PRPH2: variants seen among roughly 807,000 people sequenced by gnomAD.
The protein encoded by PRPH2 is peripherin 2, also known as peripherin-2.
A neutral mutation model predicts 31.3 loss-of-function variants in PRPH2; 17 were observed. That is an observed-to-expected ratio of 0.54 (90% CI 0.37 to 0.81). PRPH2 has a LOEUF of 0.81. PRPH2 is among the 40% of genes least tolerant of loss of function. The pLI, the probability that PRPH2 is intolerant of heterozygous loss-of-function variation, is 0.00. For missense variants in PRPH2, 430 were observed against 439.7 expected (o/e 0.98, Z 0.20); for synonymous variants, 165 against 184.4 (o/e 0.89, Z 0.85).
intron 2 of PRPH2, among the ~76,000 whole-genome samples, chr6:42,701,283 C>G (rs1800040963): frequency 6.6e-6 from 1 of 152,002 alleles, no homozygotes; most frequent in South Asian, 2.1e-4. Context: ...ACCATTAGGC[C>G]CGGCTAATCT....
At chr6:42,712,311 C>T (rs222222) in intron 1 of PRPH2, among the ~76,000 whole-genome samples, 104 of 152,232 alleles carry the variant, frequency 6.8e-4, no homozygotes, top group Non-Finnish European at 1.1e-3. Context: ...AAAAGCATTC[C>T]GAGACTATCA....
rs539502024 is a variant in PRPH2, at chr6:42,696,669, G to A, written c.*1626C>T. The A allele has an allele frequency of 3.9e-5, 6 of 152,320 alleles. No individual in the cohort carries two copies. Among genetic ancestry groups the A allele is most frequent in the South Asian group, 2.1e-4 (1 of 4,826 alleles). The allele number at this position is 152,320 out of a possible 1,614,324, so 9.4% of individuals were successfully genotyped here. A position where few individuals can be genotyped will look rare whatever the true frequency, so the allele number is the denominator to read the frequency against. On this transcript the variant is annotated 3_prime_UTR_variant, in exon 3 of 3. Coordinates refer to ENST00000230381, the MANE Select transcript of PRPH2 (RefSeq NM_000322.5). Reference sequence around the variant, plus strand: ...GCATAGTTACACTTGTGGGCCTAGAGCAGCACTTTCACCGTGGTTCTCAGC... The same window carrying A: ...GCATAGTTACACTTGTGGGCCTAGAACAGCACTTTCACCGTGGTTCTCAGC...
At chr6:42,708,696 G>A (rs1248904941) in intron 1 of PRPH2, among the ~76,000 whole-genome samples, 1 of 152,194 alleles carries the variant, frequency 6.6e-6, no homozygotes, top group Non-Finnish European at 1.5e-5. Flanking sequence ...TCAGTACAGT[G>A]TCCCAGCTGA....
chr6:42,707,719 T>G (rs1308580502), intron 1 of PRPH2, among the ~76,000 whole-genome samples: 3 of 152,186 alleles, frequency 2.0e-5, no homozygotes, highest in African/African-American at 7.2e-5. Context: ...TTCCGCCTAT[T>G]ATGATTAAGA....
rs1254196330 is a variant in PRPH2, at chr6:42,698,047, C to T, written c.*248G>A. The T allele has an allele frequency of 1.7e-5, 9 of 538,504 alleles. No homozygotes were observed. Among genetic ancestry groups the T allele is most frequent in the Admixed American group, 3.2e-5 (1 of 31,530 alleles). 33.4% of individuals were successfully genotyped at this position (538,504 alleles called of 1,614,324 possible). Reference sequence around the variant, plus strand: ...GTCACCAGGAGGGCATATCCTAGGGCAGCGGGCCTGAAGGGAGCTTCACTC... The same window carrying T: ...GTCACCAGGAGGGCATATCCTAGGGTAGCGGGCCTGAAGGGAGCTTCACTC... On this transcript the variant is annotated 3_prime_UTR_variant, in exon 3 of 3. Transcript: ENST00000230381.
At chr6:42,707,528 G>T (rs1162130698) in intron 1 of PRPH2, among the ~76,000 whole-genome samples, 1 of 152,150 alleles carries the variant, frequency 6.6e-6, no homozygotes. Context: ...ATGCTCAGGA[G>T]AACCTGTCCT....
intron 2 of PRPH2, among the ~76,000 whole-genome samples, chr6:42,699,531 G>A (rs1800012042): frequency 6.6e-6 from 1 of 152,182 alleles, no homozygotes; most frequent in Non-Finnish European, 1.5e-5. Context: ...CATCCGGTTT[G>A]CAGATTTTCA....
chr6:42,701,661 C>T (rs1003000854), intron 2 of PRPH2, among the ~76,000 whole-genome samples: 7 of 144,028 alleles, frequency 4.9e-5, no homozygotes, highest in Middle Eastern at 3.4e-3. Flanking sequence ...AGACTATAGG[C>T]ATGCGCCACC....
chr6:42,721,618 A>T (rs567404558), intron 1 of PRPH2, 136 bp downstream of exon 1: 3 of 1,012,304 alleles, frequency 3.0e-6, no homozygotes, highest in Non-Finnish European at 4.7e-6. Context: ...ATACACCCTC[A>T]CATACGCAGC....
At chr6:42,711,718 T>G in intron 1 of PRPH2, 646 of 962,726 alleles carry the variant, frequency 6.7e-4, no homozygotes, top group South Asian at 7.7e-4. Context: ...ATCTTCTCCT[T>G]GAGATGTCTA....
At chr6:42,709,059 G>A (rs375052357) in intron 1 of PRPH2, among the ~76,000 whole-genome samples, 198 of 152,216 alleles carry the variant, frequency 1.3e-3, no homozygotes, top group African/African-American at 4.3e-3. Flanking sequence ...AGCCGGGCGC[G>A]GTGGCTCACG....
In PRPH2 at chr6:42,697,329, C is replaced by T. The variant is rs1189180937; in HGVS notation, c.*966G>A. On this transcript the variant is annotated 3_prime_UTR_variant, in exon 3 of 3. Coordinates refer to ENST00000230381, the MANE Select transcript of PRPH2 (RefSeq NM_000322.5). The stretch of plus-strand genomic sequence containing the variant: ...AACGGAAGAAGCTCCCAGAGGATTC[C>T]TTGCCCTTTGCTGTGGACAATTAGT... 6.6e-6 allele frequency: 1 copy of T among 152,226 alleles called. No individual in the cohort carries two copies. Among genetic ancestry groups the T allele is most frequent in the Non-Finnish European group, 1.5e-5 (1 of 68,062 alleles). The allele number at this position is 152,226 out of a possible 1,614,324, so 9.4% of individuals were successfully genotyped here. A position where few individuals can be genotyped will look rare whatever the true frequency, so the allele number is the denominator to read the frequency against.
chr6:42,710,689 A>G (rs1800262349), intron 1 of PRPH2, among the ~76,000 whole-genome samples: 1 of 152,202 alleles, frequency 6.6e-6, no homozygotes, highest in East Asian at 1.9e-4. Context: ...GATTAAGATA[A>G]GAACTATGTT....
chr6:42,722,171 G>T lies in PRPH2; in HGVS notation c.164C>A (p.Ser55Tyr). The change falls in exon 1 of 3, where the codon TCT (serine) becomes TAT (tyrosine). Residue 55 changes from serine to tyrosine, a missense_variant. Transcript: ENST00000230381. This position sits in a 1 kb window ranked among gnomAD's most constrained non-coding sequence, Gnocchi z 4.4. ...TGAGTTGGGCACAAAATGGCTCTCA[G>T]AATTATTCATCACATCGCTCCTCTT... is the stretch of plus-strand genomic sequence containing the variant. ...LRKRSDVMNNSESHFVPNSLI... is the reference protein window; with the variant it reads ...LRKRSDVMNNYESHFVPNSLI... 6.2e-7 allele frequency: 1 copy of T among 1,614,142 alleles called. No individual in the cohort carries two copies.
At chr6:42,713,114 A>C (rs534578418) in intron 1 of PRPH2, among the ~76,000 whole-genome samples, 65 of 152,008 alleles carry the variant, frequency 4.3e-4, no homozygotes, top group African/African-American at 1.4e-3. Context: ...AATCCCAGCT[A>C]CTTGGGAGGC....
chr6:42,708,099 C>T (rs1202056786), intron 1 of PRPH2, among the ~76,000 whole-genome samples: 1 of 152,212 alleles, frequency 6.6e-6, no homozygotes, highest in Non-Finnish European at 1.5e-5. Flanking sequence ...CGAGCAAGAG[C>T]CATCAGGGGT....
At chr6:42,705,599 A>AAAAAAAATATATATATAT (rs1562424252) in intron 1 of PRPH2, among the ~76,000 whole-genome samples, 10 of 21,520 alleles carry the variant, frequency 4.6e-4, no homozygotes, top group East Asian at 1.6e-3. Flanking sequence ...AAAAAAAAAA[A>AAAAAAAATATATATATAT]ATATATATAT....
intron 1 of PRPH2, among the ~76,000 whole-genome samples, chr6:42,713,540 G>A (rs1049557498): frequency 6.6e-6 from 1 of 152,130 alleles, no homozygotes; most frequent in Non-Finnish European, 1.5e-5. Context: ...ACTGGAATCC[G>A]AACCTAATCC....
At position 42,721,902 on chromosome 6, in the gene PRPH2, C is replaced by T. The variant is rs1761909463; in HGVS notation, c.433G>A (p.Asp145Asn). Reference sequence around the variant, plus strand: ...TTCATGAAACACCTGCCAGGGGTGTCTGTGTCCCGGTAGTACTTCATGCCG... The same window carrying T: ...TTCATGAAACACCTGCCAGGGGTGTTTGTGTCCCGGTAGTACTTCATGCCG... ...KNGMKYYRDTDTPGRCFMKKT... is the reference protein window; with the variant it reads ...KNGMKYYRDTNTPGRCFMKKT... Residue 145 changes from aspartate to asparagine, a missense_variant, in exon 1 of 3, where the codon GAC becomes AAC. Transcript: ENST00000230381. The T allele has an allele frequency of 6.2e-7, 1 of 1,614,072 alleles. No individual in the cohort carries two copies. Among genetic ancestry groups the T allele is most frequent in the African/African-American group, 1.3e-5 (1 of 74,930 alleles).
Sources: allele counts gnomAD v4.1 joint callset (sites outside exome capture counted in the v4.1 genomes callset), GRCh38; gene constraint gnomAD v4.1.1; non-coding constraint Gnocchi (gnomAD v3.1); transcripts MANE v1.5; gene names NCBI Gene and HGNC (gene_info 2026-07-23, HGNC 2026-07-21).